The following EPHB2 variants were observed in gnomAD, a reference collection of about 807,000 sequenced individuals.
EPHB2 encodes EPH receptor B2.
EPHB2 carries 18 observed loss-of-function variants against 96.4 expected under a neutral mutation model. The observed-to-expected ratio is 0.19, with a 90% CI of 0.13 to 0.28. The LOEUF (loss-of-function observed/expected upper bound fraction) is 0.28. Ranked by LOEUF, EPHB2 falls within the 10% of genes least tolerant of loss-of-function variation. The probability of loss-of-function intolerance (pLI) is 1.00; values close to 1 mark genes in which losing one functional copy is unlikely to be tolerated. For synonymous variants in EPHB2, 506 were observed against 534.1 expected (o/e 0.95, Z 0.72); for missense variants, 989 against 1,355.4 (o/e 0.73, Z 4.25).
intron 3 of EPHB2, 69 bp downstream of exon 3, chr1:22,785,145 G>A (rs1025385133): frequency 1.3e-6 from 2 of 1,582,578 alleles, no homozygotes; most frequent in Admixed American, 1.7e-5. Flanking sequence ...GACTCGGGCT[G>A]CAGACTTGGG....
chr1:22,894,142 G>A (rs1189549487), intron 7 of EPHB2, among the ~76,000 whole-genome samples: 1 of 152,152 alleles, frequency 6.6e-6, no homozygotes, highest in Non-Finnish European at 1.5e-5. Context: ...CATGTTGGGT[G>A]AGTGTCATTG....
chr1:22,835,295 G>T (rs756819954), intron 3 of EPHB2, among the ~76,000 whole-genome samples: 1 of 151,880 alleles, frequency 6.6e-6, no homozygotes, highest in South Asian at 2.1e-4. Flanking sequence ...CCAGAGGGTC[G>T]CTTGAGCCTG....
intron 3 of EPHB2, among the ~76,000 whole-genome samples, chr1:22,798,363 G>A (rs778785034): frequency 1.3e-5 from 2 of 152,130 alleles, no homozygotes; most frequent in Non-Finnish European, 2.9e-5. Flanking sequence ...TTCTAAGCAC[G>A]GATGGAGACT....
rs568966997 is a variant in EPHB2 at position 22,876,782 on chromosome 1, T to G, written c.1304-5577T>G. 3.8e-4 allele frequency among the ~76,000 whole-genome samples: 58 copies of G among 152,268 alleles called. 1 individual carries two copies. The highest frequency in any genetic ancestry group is 1.3e-3 in the African/African-American group (56 of 41,550). ...GCTGTTCCCTTTTCTCCGCCGTTAA[T>G]CCCCCTGGATTCCAGGAGAAAGGCT... On this transcript the variant is annotated intron_variant, in intron 5 of 15. Coordinates refer to ENST00000374630, the MANE Select transcript of EPHB2 (RefSeq NM_017449.5).
intron 3 of EPHB2, among the ~76,000 whole-genome samples, chr1:22,850,836 C>T (rs918431321): frequency 6.6e-6 from 1 of 152,190 alleles, no homozygotes; most frequent in African/African-American, 2.4e-5. Flanking sequence ...GGCGCATGCA[C>T]AGGCCCTGAG....
At chr1:22,745,545 A>G (rs181439022) in intron 1 of EPHB2, among the ~76,000 whole-genome samples, 4 of 152,218 alleles carry the variant, frequency 2.6e-5, no homozygotes. Flanking sequence ...TAAGATCTGC[A>G]TGCTTTACTG....
chr1:22,797,756 C>T (rs187903527), intron 3 of EPHB2, among the ~76,000 whole-genome samples: 3 of 152,304 alleles, frequency 2.0e-5, no homozygotes, highest in Non-Finnish European at 4.4e-5. Context: ...AAATGGCTCA[C>T]AAGGCCCTTC....
chr1:22,768,136 G>A (rs1183611854), intron 1 of EPHB2, among the ~76,000 whole-genome samples: 3 of 152,200 alleles, frequency 2.0e-5, no homozygotes, highest in South Asian at 4.1e-4. Context: ...TTCTGGAAAC[G>A]TCTCCTCCGA....
At chr1:22,728,547 C>A (rs1643633563) in intron 1 of EPHB2, among the ~76,000 whole-genome samples, 1 of 152,212 alleles carries the variant, frequency 6.6e-6, no homozygotes, top group Non-Finnish European at 1.5e-5. Flanking sequence ...ATTGTGGGGC[C>A]TGGCATGAAG....
At chr1:22,730,930 C>T (rs936210917) in intron 1 of EPHB2, among the ~76,000 whole-genome samples, 2 of 152,026 alleles carry the variant, frequency 1.3e-5, no homozygotes, top group African/African-American at 2.4e-5. Context: ...TCACAGAGTC[C>T]AGGCACGAGA....
chr1:22,793,339 C>T (rs923734408), intron 3 of EPHB2, among the ~76,000 whole-genome samples: 20 of 151,992 alleles, frequency 1.3e-4, no homozygotes, highest in African/African-American at 4.8e-4. Flanking sequence ...CAGTCTAGGG[C>T]GCAGGAGAGA....
At chr1:22,828,076 C>T (rs1309376482) in intron 3 of EPHB2, among the ~76,000 whole-genome samples, 1 of 152,174 alleles carries the variant, frequency 6.6e-6, no homozygotes, top group African/African-American at 2.4e-5. Context: ...GCAGAGGTGG[C>T]CATGGGGGAT....
At position 22,909,071 on chromosome 1, in the gene EPHB2, G is replaced by A. The variant is rs376209284; in HGVS notation, c.2402G>A (p.Arg801Gln). ...RWTAPEAIQY[R>Q]KFTSASDVWS... ...ACAGCCCCGGAAGCCATCCAGTACC[G>A]GAAGTTCACCTCGGCCAGTGATGTG... The change falls in exon 13 of 16, where the codon CGG becomes CAG. Residue 801 changes from arginine to glutamine, a missense_variant. Coordinates refer to ENST00000374630, the MANE Select transcript of EPHB2 (RefSeq NM_017449.5). 13 of 1,614,178 alleles carry A rather than the reference G, an allele frequency of 8.1e-6. No individual in the cohort carries two copies. The highest frequency in any genetic ancestry group is 6.7e-5 in the Admixed American group (4 of 60,030).
chr1:22,758,915 G>A (rs1463749978), intron 1 of EPHB2, among the ~76,000 whole-genome samples: 4 of 146,964 alleles, frequency 2.7e-5, no homozygotes, highest in Admixed American at 2.7e-4. Flanking sequence ...GATGGGTGAC[G>A]GATGGGTGGG....
chr1:22,876,061 G>A (rs1638826487), intron 5 of EPHB2, among the ~76,000 whole-genome samples: 1 of 152,158 alleles, frequency 6.6e-6, no homozygotes, highest in South Asian at 2.1e-4. Flanking sequence ...ACAGTAGTGT[G>A]TCTGTGTCTT....
Position 22,906,751 on chromosome 1 carries a change from G to A in EPHB2, c.1930G>A (p.Gly644Ser). 6.2e-7 allele frequency: 1 copy of A among 1,614,212 alleles called. No individual in the cohort carries two copies. The highest frequency in any genetic ancestry group is 8.5e-7 in the Non-Finnish European group (1 of 1,180,046). ...CTGCAGTGGCCACCTGAAGCTGCCA[G>A]GCAAGAGAGAGATCTTTGTGGCCAT... is the stretch of plus-strand genomic sequence containing the variant. ...EVCSGHLKLP[G>S]KREIFVAIKT... The change falls in exon 11 of 16, where the codon GGC (glycine) becomes AGC (serine). Residue 644 changes from glycine (G) to serine (S), a missense_variant. Coordinates refer to ENST00000374630, the MANE Select transcript of EPHB2 (RefSeq NM_017449.5). The surrounding 1 kb of genome is among the most constrained non-coding windows in gnomAD (Gnocchi z 4.8).
intron 3 of EPHB2, among the ~76,000 whole-genome samples, chr1:22,801,145 C>G (rs1373698300): frequency 6.6e-6 from 1 of 152,224 alleles, no homozygotes; most frequent in Non-Finnish European, 1.5e-5. Flanking sequence ...CCTCGGGTTC[C>G]TCCTCTGCCC....
Position 22,797,002 on chromosome 1 carries a change from A to G in EPHB2, c.811+11926A>G, listed in dbSNP as rs112613353. Among the ~76,000 whole-genome samples, 39 of 152,218 alleles carry G rather than the reference A, an allele frequency of 2.6e-4. 1 individual carries two copies. Among genetic ancestry groups the G allele is most frequent in the African/African-American group, 8.9e-4 (37 of 41,532 alleles). On this transcript the variant is annotated intron_variant, in intron 3 of 15. Transcript: ENST00000374630. ...ATTCGCAGTGTCTCATCATTAGTAC[A>G]TTTTTTTCATGACTGTTATCTCATT...
At chr1:22,761,607 C>A (rs539445998) in intron 1 of EPHB2, among the ~76,000 whole-genome samples, 20 of 152,306 alleles carry the variant, frequency 1.3e-4, no homozygotes, top group African/African-American at 4.6e-4. Context: ...AGGAAAGTCT[C>A]AAAGTATAGC....
Sources: allele counts gnomAD v4.1 joint callset (sites outside exome capture counted in the v4.1 genomes callset), GRCh38; gene constraint gnomAD v4.1.1; non-coding constraint Gnocchi (gnomAD v3.1); transcripts MANE v1.5; gene names NCBI Gene and HGNC (gene_info 2026-07-23, HGNC 2026-07-21).